The following KCTD16 variants were observed in gnomAD, a reference collection of about 807,000 sequenced individuals.
KCTD16 encodes the protein potassium channel tetramerization domain containing 16.
A neutral mutation model predicts 33.2 loss-of-function variants in KCTD16; 13 were observed. That is an observed-to-expected ratio of 0.39 (90% CI 0.25 to 0.62). The LOEUF is 0.62. Among genes scored for constraint, KCTD16 ranks in the 20% least tolerant of loss-of-function variants. The pLI, the probability that KCTD16 is intolerant of heterozygous loss-of-function variation, is 0.50. For missense variants in KCTD16, 441 were observed against 525.1 expected (o/e 0.84, Z 1.57); for synonymous variants, 197 against 195.3 (o/e 1.01, Z -0.07).
At chr5:144,249,983 C>A (rs1455685698) in intron 3 of KCTD16, among the ~76,000 whole-genome samples, 1 of 152,158 alleles carries the variant, frequency 6.6e-6, no homozygotes. Flanking sequence ...CAAGTCTTTG[C>A]CCACTTTTAG....
chr5:144,173,974 A>C (rs1006537982), intron 1 of KCTD16, among the ~76,000 whole-genome samples: 1 of 149,500 alleles, frequency 6.7e-6, no homozygotes, highest in African/African-American at 2.5e-5. Context: ...AGGAGACTGG[A>C]GTACTTGGTA....
chr5:144,384,969 A>C (rs1752293277), intron 3 of KCTD16, among the ~76,000 whole-genome samples: 1 of 152,198 alleles, frequency 6.6e-6, no homozygotes, highest in Admixed American at 6.5e-5. Flanking sequence ...GGATGTTTAG[A>C]AGCTCGTTCC....
chr5:144,465,567 G>T (rs1008670162), intron 3 of KCTD16, among the ~76,000 whole-genome samples: 6 of 151,990 alleles, frequency 3.9e-5, no homozygotes, highest in Admixed American at 1.3e-4. Context: ...TACTGTGGTC[G>T]TGTAGGTCTG....
At chr5:144,189,218 C>G (rs953913419) in intron 2 of KCTD16, among the ~76,000 whole-genome samples, 38 of 152,104 alleles carry the variant, frequency 2.5e-4, no homozygotes, top group African/African-American at 8.7e-4. Context: ...CTAGAAAATG[C>G]AGAGCAGGTC....
chr5:144,362,630 G>T (rs1018800659), intron 3 of KCTD16, among the ~76,000 whole-genome samples: 2 of 152,086 alleles, frequency 1.3e-5, no homozygotes, highest in African/African-American at 4.8e-5. Context: ...ATTTTAAAGG[G>T]TTATTTAAAT....
Position 144,206,892 on chromosome 5 carries a change from G to A in KCTD16, c.178G>A (p.Asp60Asn). The change falls in exon 3 of 4, where the codon GAC (aspartate) becomes AAC (asparagine). Residue 60 changes from aspartate (D) to asparagine (N), a missense_variant. By Grantham distance (23) the Asp-to-Asn change is conservative (BLOSUM62 1). Coordinates refer to ENST00000512467, the MANE Select transcript of KCTD16 (RefSeq NM_020768.4). ...LLWKMFSPKR[D>N]TANDLAKDSK... ...GTGGAAAATGTTTTCCCCAAAGAGAGACACGGCTAATGATCTAGCCAAGGA... is the reference window on the plus strand; with the variant it reads ...GTGGAAAATGTTTTCCCCAAAGAGAAACACGGCTAATGATCTAGCCAAGGA... The A allele has an allele frequency of 6.2e-7, 1 of 1,614,188 alleles. No individual in the cohort carries two copies. Among genetic ancestry groups the A allele is most frequent in the Non-Finnish European group, 8.5e-7 (1 of 1,180,038 alleles).
intron 3 of KCTD16, 120 bp from the exon 4 acceptor site, chr5:144,473,540 T>C: frequency 9.3e-7 from 1 of 1,079,774 alleles, no homozygotes; most frequent in South Asian, 1.8e-5. Context: ...CCACTTTTTC[T>C]AAAAGCATGG....
chr5:144,272,300 C>G (rs1025978471), intron 3 of KCTD16, among the ~76,000 whole-genome samples: 2 of 151,996 alleles, frequency 1.3e-5, no homozygotes, highest in African/African-American at 2.4e-5. Flanking sequence ...TGTGGTGATC[C>G]ATACCTGTAA....
At chr5:144,293,090 A>G (rs1044937699) in intron 3 of KCTD16, among the ~76,000 whole-genome samples, 1 of 152,310 alleles carries the variant, frequency 6.6e-6, no homozygotes, top group Admixed American at 6.5e-5. Flanking sequence ...TGCTTCCCTC[A>G]GTTCTCACAG....
intron 3 of KCTD16, among the ~76,000 whole-genome samples, chr5:144,371,896 T>C (rs186291634): frequency 6.6e-6 from 1 of 152,258 alleles, no homozygotes; most frequent in African/African-American, 2.4e-5. Context: ...TTCTCTTGCC[T>C]CTTCTCCCTC....
At chr5:144,286,930 A>G (rs1013826892) in intron 3 of KCTD16, among the ~76,000 whole-genome samples, 2 of 152,228 alleles carry the variant, frequency 1.3e-5, no homozygotes, top group African/African-American at 2.4e-5. Flanking sequence ...TGTACCAGGT[A>G]TGATTCTAAA....
chr5:144,459,132 C>A (rs1754137533), intron 3 of KCTD16, among the ~76,000 whole-genome samples: 2 of 152,132 alleles, frequency 1.3e-5, no homozygotes, highest in Admixed American at 6.5e-5. Context: ...AGAAAGTAAT[C>A]TTTGTTGAAG....
intron 3 of KCTD16, among the ~76,000 whole-genome samples, chr5:144,239,063 A>G (rs1186638181): frequency 1.3e-5 from 2 of 152,140 alleles, no homozygotes; most frequent in Non-Finnish European, 2.9e-5. Context: ...AAGAGTCCTC[A>G]ATTGCCACTT....
intron 3 of KCTD16, among the ~76,000 whole-genome samples, chr5:144,278,368 T>C (rs1755496111): frequency 6.6e-6 from 1 of 151,974 alleles, no homozygotes; most frequent in Non-Finnish European, 1.5e-5. Flanking sequence ...TAATTTTCCT[T>C]TTATCAATAC....
At chr5:144,173,680 A>T (rs1392423859) in intron 1 of KCTD16, among the ~76,000 whole-genome samples, 1 of 152,190 alleles carries the variant, frequency 6.6e-6, no homozygotes, top group Admixed American at 6.5e-5. Flanking sequence ...TTCAAATTCT[A>T]CTTCTGTCTC....
At chr5:144,298,047 C>G (rs1561557808) in intron 3 of KCTD16, among the ~76,000 whole-genome samples, 3 of 152,200 alleles carry the variant, frequency 2.0e-5, no homozygotes, top group Non-Finnish European at 4.4e-5. Flanking sequence ...ATTGCCGCTC[C>G]CGATTGGGCT....
At chr5:144,205,587 C>T (rs2126788454) in intron 2 of KCTD16, 1 of 398,720 alleles carries the variant, frequency 2.5e-6, no homozygotes, top group African/African-American at 2.1e-5. Flanking sequence ...GGGCACATCT[C>T]TCCATCTTTC....
At chr5:144,306,063 C>G (rs1439502464) in intron 3 of KCTD16, among the ~76,000 whole-genome samples, 4 of 152,126 alleles carry the variant, frequency 2.6e-5, no homozygotes, top group African/African-American at 9.7e-5. Context: ...TGTGAGCCAA[C>G]CAGATATCCT....
intron 3 of KCTD16, among the ~76,000 whole-genome samples, chr5:144,364,965 T>C (rs992013358): frequency 1.3e-5 from 2 of 152,126 alleles, no homozygotes; most frequent in African/African-American, 4.8e-5. Context: ...TTAGTAATTA[T>C]CATTAGAGAT....
Sources: gnomAD v4.1 joint callset for allele counts (sites outside exome capture counted in the v4.1 genomes callset) on GRCh38, gnomAD v4.1.1 for gene constraint, MANE v1.5 for transcripts, NCBI Gene and HGNC (gene_info 2026-07-23, HGNC 2026-07-21) for gene names.